The following GPAT4 variants were observed in gnomAD, a reference collection of about 807,000 sequenced individuals.
GPAT4 encodes the protein 1-AGP acyltransferase 6.
GPAT4 carries 17 observed loss-of-function variants against 58.0 expected under a neutral mutation model. That is an observed-to-expected ratio of 0.29 (90% CI 0.20 to 0.44). The LOEUF is 0.44. Ranked by LOEUF, GPAT4 falls within the 20% of genes least tolerant of loss-of-function variation. GPAT4 has a pLI of 1.00. For synonymous variants in GPAT4, 204 were observed against 210.1 expected (o/e 0.97, Z 0.25); for missense variants, 377 against 574.5 (o/e 0.66, Z 3.51).
intron 12 of GPAT4, 83 bp from the exon 13 acceptor site, chr8:41,620,810 G>A: frequency 2.0e-6 from 3 of 1,526,092 alleles, no homozygotes; most frequent in Non-Finnish European, 2.7e-6. Context: ...CTTGGTGTTT[G>A]GGCAGCATGG....
chr8:41,620,522 G>A (rs1348857909), intron 12 of GPAT4, among the ~76,000 whole-genome samples: 1 of 152,202 alleles, frequency 6.6e-6, no homozygotes, highest in Non-Finnish European at 1.5e-5. Flanking sequence ...TACGTTATGA[G>A]TCGATATTTC....
In GPAT4 at chr8:41,598,967, T is replaced by C; in HGVS notation, c.-173T>C. 1.2e-6 allele frequency: 1 copy of C among 827,108 alleles called. No individual in the cohort carries two copies. 51.2% of individuals were successfully genotyped at this position (827,108 alleles called of 1,614,324 possible). On this transcript the variant is annotated 5_prime_UTR_variant, in exon 2 of 13. Transcript: ENST00000396987. The stretch of plus-strand genomic sequence containing the variant: ...TCCTGTGGCCGTGTTTTTCTGTCAT[T>C]CTGTTCCCAGGCCTTCTATTCAGGC...
intron 12 of GPAT4, among the ~76,000 whole-genome samples, chr8:41,619,934 C>T (rs917629897): frequency 1.3e-5 from 2 of 152,156 alleles, no homozygotes; most frequent in African/African-American, 4.8e-5. Flanking sequence ...TCACAGTAGC[C>T]GCAGCGCTGT....
chr8:41,618,631 C>T (rs1803661506), intron 10 of GPAT4, 53 bp from the exon 11 acceptor site: 2 of 1,606,240 alleles, frequency 1.2e-6, no homozygotes, highest in East Asian at 4.5e-5. Context: ...TGTGGACTCG[C>T]AAACGTTGTG....
intron 1 of GPAT4, among the ~76,000 whole-genome samples, chr8:41,581,722 G>A (rs1309182009): frequency 6.9e-6 from 1 of 145,590 alleles, no homozygotes. Context: ...TCCGCCTCCC[G>A]GGTTCACACC....
chr8:41,605,483 T>TG (rs999922475), intron 2 of GPAT4, among the ~76,000 whole-genome samples: 26 of 152,248 alleles, frequency 1.7e-4, no homozygotes, highest in African/African-American at 5.3e-4. Context: ...ACACGGCGCA[T>TG]GGAGGGAATG....
At chr8:41,586,943 G>C (rs1371207702) in intron 1 of GPAT4, among the ~76,000 whole-genome samples, 1 of 152,104 alleles carries the variant, frequency 6.6e-6, no homozygotes, top group African/African-American at 2.4e-5. Flanking sequence ...ATTTCATCTG[G>C]GCTGAGGCCC....
intron 2 of GPAT4, among the ~76,000 whole-genome samples, chr8:41,602,572 T>C (rs1046850830): frequency 2.6e-5 from 4 of 152,194 alleles, no homozygotes; most frequent in African/African-American, 9.7e-5. Flanking sequence ...AGGAACTGAA[T>C]GCTGCCTTCT....
In GPAT4 at chr8:41,609,972, G is replaced by A. The variant is rs1440395703; in HGVS notation, c.536+17G>A. 1.2e-5 allele frequency: 19 copies of A among 1,579,756 alleles called. No homozygotes were observed. The highest frequency in any genetic ancestry group is 5.4e-5 in the African/African-American group (4 of 74,096). Reference sequence around the variant, plus strand: ...GCCGCTCAGGTGAGGCAGGGCCTGCGGGAGTGGGGCTCGCTGCTGCCACCC... The same window carrying A: ...GCCGCTCAGGTGAGGCAGGGCCTGCAGGAGTGGGGCTCGCTGCTGCCACCC... On this transcript the variant is annotated intron_variant, in intron 4 of 12. Coordinates refer to ENST00000396987, the MANE Select transcript of GPAT4 (RefSeq NM_178819.4).
At chr8:41,615,435 G>C (rs1419211429) in intron 10 of GPAT4, among the ~76,000 whole-genome samples, 5 of 140,134 alleles carry the variant, frequency 3.6e-5, no homozygotes, top group African/African-American at 1.1e-4. Context: ...TTGCATTTTG[G>C]GGGAGCCATG....
intron 4 of GPAT4, 70 bp downstream of exon 4, chr8:41,610,025 T>C: frequency 6.5e-7 from 1 of 1,529,834 alleles, no homozygotes; most frequent in Non-Finnish European, 8.8e-7. Flanking sequence ...ACCTGCCTGC[T>C]CTGCTGTGTA....
At chr8:41,592,297 G>A (rs62509804) in intron 1 of GPAT4, among the ~76,000 whole-genome samples, 5 of 152,124 alleles carry the variant, frequency 3.3e-5, no homozygotes, top group African/African-American at 4.8e-5. Flanking sequence ...GTCCAGTCCC[G>A]GTGGGACTCC....
Position 41,609,885 on chromosome 8 carries a change from A to T in GPAT4, c.466A>T (p.Ile156Phe). The T allele has an allele frequency of 6.2e-7, 1 of 1,614,222 alleles. No homozygotes were observed. The highest frequency in any genetic ancestry group is 2.2e-5 in the East Asian group (1 of 44,876). Residue 156 changes from isoleucine (I) to phenylalanine (F), a missense_variant, in exon 4 of 13, where the codon ATC becomes TTC. Physicochemically the swap from Ile to Phe is conservative, Grantham distance 21. Coordinates refer to ENST00000396987, the MANE Select transcript of GPAT4 (RefSeq NM_178819.4). ...LSRTNYNFQY[I>F]SLRLTVLWGL... The stretch of plus-strand genomic sequence containing the variant: ...CAGAACCAATTATAACTTCCAGTAC[A>T]TCAGCCTTCGGCTCACGGTCCTGTG...
chr8:41,607,603 A>G (rs1437569324), intron 2 of GPAT4, among the ~76,000 whole-genome samples: 3 of 150,610 alleles, frequency 2.0e-5, no homozygotes, highest in East Asian at 2.0e-4. Flanking sequence ...CAGTGGTGCA[A>G]TCTCCGCTCA....
In GPAT4 at chr8:41,599,276, A is replaced by G. The variant is rs1243226268; in HGVS notation, c.137A>G (p.Tyr46Cys). The G allele has an allele frequency of 4.3e-6, 7 of 1,614,052 alleles. No individual in the cohort carries two copies. Among genetic ancestry groups the G allele is most frequent in the Admixed American group, 1.7e-5 (1 of 59,970 alleles). The change falls in exon 2 of 13, where the codon TAC becomes TGC. Residue 46 changes from tyrosine (Y) to cysteine (C), a missense_variant. By Grantham distance (194) the Tyr-to-Cys change is radical (BLOSUM62 -2). Coordinates refer to ENST00000396987, the MANE Select transcript of GPAT4 (RefSeq NM_178819.4). ...GTCTCCTTTGGTATCCGCAAACTCT[A>G]CATGAAAAGTCTGTTAAAAATCTTT... Reference protein sequence around the residue: ...FGVSFGIRKLYMKSLLKIFAW... With the variant: ...FGVSFGIRKLCMKSLLKIFAW...
chr8:41,620,879 C>G lies in GPAT4; in HGVS notation c.1263-14C>G. On this transcript the variant is annotated splice_polypyrimidine_tract_variant and intron_variant, in intron 12 of 12. Coordinates refer to ENST00000396987, the MANE Select transcript of GPAT4 (RefSeq NM_178819.4). Reference sequence around the variant, plus strand: ...CCTCTTGGCTGTTACTACATCCAGCCTTTGTCTCTCCAGGGATGGGGGCCT... The same window carrying G: ...CCTCTTGGCTGTTACTACATCCAGCGTTTGTCTCTCCAGGGATGGGGGCCT... 1 of 1,550,246 alleles carries G rather than the reference C, an allele frequency of 6.5e-7. No homozygotes were observed. Among genetic ancestry groups the G allele is most frequent in the Non-Finnish European group, 8.7e-7 (1 of 1,146,960 alleles).
At chr8:41,608,694 C>T (rs1019862168) in intron 2 of GPAT4, among the ~76,000 whole-genome samples, 1 of 152,122 alleles carries the variant, frequency 6.6e-6, no homozygotes, top group Non-Finnish European at 1.5e-5. Flanking sequence ...TAAGCGATCC[C>T]GTGAAGTAGG....
chr8:41,611,782 G>A (rs1803452306), intron 5 of GPAT4, 121 bp from the exon 6 acceptor site: 1 of 799,988 alleles, frequency 1.3e-6, no homozygotes, highest in East Asian at 2.6e-5. Context: ...TTTCCTGTAG[G>A]TGCTGATGTC....
intron 1 of GPAT4, among the ~76,000 whole-genome samples, chr8:41,581,638 T>C (rs901168883): frequency 1.4e-5 from 2 of 147,754 alleles, no homozygotes; most frequent in Non-Finnish European, 3.0e-5. Context: ...TTTTTTTTTT[T>C]TTTTTTTTGA....
Sources: allele counts gnomAD v4.1 joint callset (sites outside exome capture counted in the v4.1 genomes callset), GRCh38; gene constraint gnomAD v4.1.1; transcripts MANE v1.5; gene names NCBI Gene and HGNC (gene_info 2026-07-23, HGNC 2026-07-21).